MDM4: variants seen among roughly 807,000 people sequenced by gnomAD.
The protein encoded by MDM4 is MDM4 regulator of p53.
A neutral mutation model predicts 60.2 loss-of-function variants in MDM4; 2 were observed. The ratio of observed to expected loss-of-function variants is 0.03; its 90% CI spans 0.01 to 0.10. The LOEUF is 0.10. Among genes scored for constraint, MDM4 ranks in the 10% least tolerant of loss-of-function variants. MDM4 has a pLI of 1.00. For missense variants in MDM4, 447 were observed against 577.5 expected (o/e 0.77, Z 2.32); for synonymous variants, 202 against 198.1 (o/e 1.02, Z -0.17).
intron 1 of MDM4, among the ~76,000 whole-genome samples, chr1:204,521,970 G>T (rs1045586307): frequency 2.0e-5 from 3 of 152,244 alleles, no homozygotes; most frequent in Admixed American, 1.3e-4. Flanking sequence ...AAAAATGGGT[G>T]TTCATATGAG....
chr1:204,551,314 A>G lies in MDM4; in HGVS notation c.*1632A>G, dbSNP rs960811539. On this transcript the variant is annotated 3_prime_UTR_variant, in exon 11 of 11. Coordinates refer to ENST00000367182, the MANE Select transcript of MDM4 (RefSeq NM_002393.5). Reference sequence around the variant, plus strand: ...TCCTGCCTCAGCCTCTCAAAGTGCTAGGATTGCAGTCCTGAGCTACTGCCC... The same window carrying G: ...TCCTGCCTCAGCCTCTCAAAGTGCTGGGATTGCAGTCCTGAGCTACTGCCC... 11 of 230,366 alleles carry G rather than the reference A, an allele frequency of 4.8e-5. No homozygotes were observed. The highest frequency in any genetic ancestry group is 9.5e-5 in the Non-Finnish European group (11 of 116,352). The allele number at this position is 230,366 out of a possible 1,614,324, so 14.3% of individuals were successfully genotyped here.
At chr1:204,519,038 A>G (rs1659281851) in intron 1 of MDM4, among the ~76,000 whole-genome samples, 1 of 152,182 alleles carries the variant, frequency 6.6e-6, no homozygotes, top group South Asian at 2.1e-4. Flanking sequence ...AGTTTTGTAC[A>G]AAACTCACAG....
intron 8 of MDM4, among the ~76,000 whole-genome samples, chr1:204,543,260 C>A (rs955511057): frequency 6.6e-6 from 1 of 152,188 alleles, no homozygotes; most frequent in African/African-American, 2.4e-5. Context: ...CAGCCTATAA[C>A]ACTGGGAGGC....
chr1:204,526,075 T>C (rs971847996), intron 2 of MDM4, among the ~76,000 whole-genome samples: 31 of 152,128 alleles, frequency 2.0e-4, no homozygotes, highest in African/African-American at 7.5e-4. Flanking sequence ...GGAAACATGG[T>C]GAAACCCCCT....
chr1:204,535,189 G>A (rs1032920073), intron 5 of MDM4, among the ~76,000 whole-genome samples: 12 of 139,260 alleles, frequency 8.6e-5, no homozygotes, highest in African/African-American at 3.2e-4. Context: ...ATGGAGTCTC[G>A]CTCTGTCGCC....
chr1:204,517,712 G>A (rs1285791995), intron 1 of MDM4, among the ~76,000 whole-genome samples: 1 of 148,918 alleles, frequency 6.7e-6, no homozygotes, highest in Non-Finnish European at 1.5e-5. Flanking sequence ...GAAAACCACA[G>A]TTTAAAAGCA....
At chr1:204,517,701 C>T (rs1349798750) in intron 1 of MDM4, among the ~76,000 whole-genome samples, 2 of 152,046 alleles carry the variant, frequency 1.3e-5, no homozygotes, top group Non-Finnish European at 2.9e-5. Flanking sequence ...CGTGCCCGGC[C>T]GAAAACCACA....
chr1:204,527,590 C>T (rs990524032), intron 3 of MDM4, among the ~76,000 whole-genome samples: 2 of 150,888 alleles, frequency 1.3e-5, no homozygotes, highest in African/African-American at 4.9e-5. Context: ...TTGCGGTGAG[C>T]CAAGATTGTG....
chr1:204,527,710 A>G (rs1169775453), intron 3 of MDM4, among the ~76,000 whole-genome samples: 7 of 150,834 alleles, frequency 4.6e-5, no homozygotes, highest in Non-Finnish European at 8.8e-5. Context: ...ACATGCATTT[A>G]AATAACTTAT....
At chr1:204,539,659 CCTA>C (rs1437439468) in intron 7 of MDM4, among the ~76,000 whole-genome samples, 1 of 151,602 alleles carries the variant, frequency 6.6e-6, no homozygotes, top group African/African-American at 2.4e-5. Flanking sequence ...GCCTCAGCCT[CCTA>C]AGTAGCTGGG....
At position 204,546,286 on chromosome 1, in the gene MDM4, C is replaced by T. The variant is rs568303007; in HGVS notation, c.823-511C>T. On this transcript the variant is annotated intron_variant, in intron 9 of 10. Coordinates refer to ENST00000367182, the MANE Select transcript of MDM4 (RefSeq NM_002393.5). ...GGTGAGATCATAGCTTACTGCAAGC[C>T]GGAACTCTTGGGCTCAAGCGATTCT... is the stretch of plus-strand genomic sequence containing the variant. Among the ~76,000 whole-genome samples, 17 of 152,190 alleles carry T rather than the reference C, an allele frequency of 1.1e-4. No homozygotes were observed. The South Asian group carries it at 1.9e-3, about 17-fold the overall frequency.
In MDM4 at chr1:204,557,686, G is replaced by T. The variant is rs1280422263; in HGVS notation, c.*8004G>T. ...CAAAGTACTGGGATTACAGGCGTGA[G>T]CAACTGCTCCTGGCCCAAAACATCT... On this transcript the variant is annotated 3_prime_UTR_variant, in exon 11 of 11. Coordinates refer to ENST00000367182, the MANE Select transcript of MDM4 (RefSeq NM_002393.5). 5.6e-6 allele frequency: 1 copy of T among 180,152 alleles called. No homozygotes were observed. The highest frequency in any genetic ancestry group is 2.4e-5 in the African/African-American group (1 of 42,362). The allele number at this position is 180,152 out of a possible 1,614,324, so 11.2% of individuals were successfully genotyped here.
intron 5 of MDM4, 72 bp from the exon 6 acceptor site, chr1:204,537,358 T>C: frequency 8.4e-7 from 1 of 1,195,410 alleles, no homozygotes; most frequent in Non-Finnish European, 1.2e-6. Context: ...GGTTGTTTGC[T>C]GAGGTCCTTT....
At chr1:204,538,652 T>G (rs1558326320) in intron 7 of MDM4, among the ~76,000 whole-genome samples, 1 of 152,110 alleles carries the variant, frequency 6.6e-6, no homozygotes, top group Non-Finnish European at 1.5e-5. Context: ...GTATATGATT[T>G]GGTTAGAATT....
chr1:204,546,891 G>A lies in MDM4; in HGVS notation c.903+14G>A. Reference sequence around the variant, plus strand: ...GTTACCTCTGAGGTATGAATCTTTAGCAAGAACTATTTTGCACCAGCCCCA... The same window carrying A: ...GTTACCTCTGAGGTATGAATCTTTAACAAGAACTATTTTGCACCAGCCCCA... On this transcript the variant is annotated intron_variant, in intron 10 of 10. Transcript: ENST00000367182. 4 of 1,564,744 alleles carry A rather than the reference G, an allele frequency of 2.6e-6. No homozygotes were observed. The highest frequency in any genetic ancestry group is 3.5e-6 in the Non-Finnish European group (4 of 1,136,858).
At chr1:204,531,207 A>G (rs1014901684) in intron 4 of MDM4, among the ~76,000 whole-genome samples, 5 of 152,220 alleles carry the variant, frequency 3.3e-5, no homozygotes, top group Non-Finnish European at 5.9e-5. Context: ...TTAAGTAGTC[A>G]ATCAGAGAGT....
chr1:204,549,082 G>A, intron 10 of MDM4, 31 bp from the exon 11 acceptor site: 1 of 1,326,902 alleles, frequency 7.5e-7, no homozygotes. Context: ...TTAACCCCCT[G>A]AGTATTAATT....
rs1457504436 is a variant in MDM4 at position 204,553,148 on chromosome 1, C to CA, written c.*3467dup. ...TCAGCCTCGCAAAGTGCTGAGATTACAGGCATGAGCCACAGCGCCCAGCTT... is the reference window on the plus strand; with the variant it reads ...TCAGCCTCGCAAAGTGCTGAGATTACAAGGCATGAGCCACAGCGCCCAGCTT... On this transcript the variant is annotated 3_prime_UTR_variant, in exon 11 of 11. Coordinates refer to ENST00000367182, the MANE Select transcript of MDM4 (RefSeq NM_002393.5). 5.6e-6 allele frequency: 1 copy of CA among 179,104 alleles called. No individual in the cohort carries two copies. Among genetic ancestry groups the CA allele is most frequent in the African/African-American group, 2.4e-5 (1 of 42,346 alleles). The allele number at this position is 179,104 out of a possible 1,614,324, so 11.1% of individuals were successfully genotyped here.
rs915915438 is a variant in MDM4 at position 204,555,442 on chromosome 1, C to T, written c.*5760C>T. 8 of 162,332 alleles carry T rather than the reference C, an allele frequency of 4.9e-5. No homozygotes were observed. The highest frequency in any genetic ancestry group is 7.2e-5 in the African/African-American group (3 of 41,682). The allele number at this position is 162,332 out of a possible 1,614,324, so 10.1% of individuals were successfully genotyped here. On this transcript the variant is annotated 3_prime_UTR_variant, in exon 11 of 11. Transcript: ENST00000367182. ...TACTGGGATTACAGGCGTGAGCCAC[C>T]GCGCCCGGCCGGAACTCTCCATTTC...
Sources: allele counts gnomAD v4.1 joint callset (sites outside exome capture counted in the v4.1 genomes callset), GRCh38; gene constraint gnomAD v4.1.1; transcripts MANE v1.5; gene names NCBI Gene and HGNC (gene_info 2026-07-23, HGNC 2026-07-21).